Variants in ADAMTS3 observed in about 807,000 individuals in gnomAD.
ADAMTS3 encodes ADAM metallopeptidase with thrombospondin type 1 motif 3.
A neutral mutation model predicts 129.0 loss-of-function variants in ADAMTS3; 73 were observed. That is an observed-to-expected ratio of 0.57 (90% confidence interval 0.47 to 0.69). The LOEUF (loss-of-function observed/expected upper bound fraction) is 0.69. ADAMTS3 is among the 30% of genes least tolerant of loss of function. The pLI is 0.00. For synonymous variants in ADAMTS3, 477 were observed against 510.8 expected (o/e 0.93, Z 0.89); for missense variants, 1,457 against 1,514.5 (o/e 0.96, Z 0.63).
chr4:72,442,898 T>C (rs552670437), intron 3 of ADAMTS3, among the ~76,000 whole-genome samples: 1 of 151,800 alleles, frequency 6.6e-6, no homozygotes, highest in South Asian at 2.1e-4. Flanking sequence ...AGTTCAAAAC[T>C]TTGACTCACC....
rs561531485 is a variant in ADAMTS3, at chr4:72,412,743, A to G, written c.661+2072T>C. 2.0e-5 allele frequency among the ~76,000 whole-genome samples: 3 copies of G among 152,174 alleles called. No homozygotes were observed. In the South Asian group the frequency reaches 6.2e-4, roughly 32 times the overall value. On this transcript the variant is annotated intron_variant, in intron 4 of 21. Transcript: ENST00000286657. ...CAAGTTTTAAGGTAATTGAGAGGTG[A>G]CAAAAGAACTCCTTTTGCTCTGACC...
At chr4:72,322,900 G>A in intron 6 of ADAMTS3, 114 bp downstream of exon 6, 2 of 744,326 alleles carry the variant, frequency 2.7e-6, no homozygotes, top group Non-Finnish European at 4.4e-6. Flanking sequence ...CAAGCAACTA[G>A]GGGTTTATAT....
intron 3 of ADAMTS3, among the ~76,000 whole-genome samples, chr4:72,430,327 T>A (rs756879640): frequency 9.9e-5 from 15 of 151,964 alleles, no homozygotes; most frequent in Non-Finnish European, 1.8e-4. Flanking sequence ...TCTCATGGAA[T>A]ACTCTCCTCA....
At chr4:72,305,730 T>C (rs1719067143) in intron 16 of ADAMTS3, among the ~76,000 whole-genome samples, 1 of 151,960 alleles carries the variant, frequency 6.6e-6, no homozygotes, top group Non-Finnish European at 1.5e-5. Flanking sequence ...CATATACGTA[T>C]GCACATGTAT....
rs1477767485 is a variant in ADAMTS3 at position 72,282,776 on chromosome 4, T to C, written c.*360A>G. ...TTCTTGTTAAAGTGTAAACCATTGG[T>C]ATCTCTTTTTAATTTTTACTGTAAC... On this transcript the variant is annotated 3_prime_UTR_variant, in exon 22 of 22. Transcript: ENST00000286657. The C allele has an allele frequency of 6.1e-6, 1 of 162,886 alleles. No individual in the cohort carries two copies. Among genetic ancestry groups the C allele is most frequent in the Admixed American group, 6.2e-5 (1 of 16,028 alleles). 10.1% of individuals were successfully genotyped at this position (162,886 alleles called of 1,614,324 possible). A position where few individuals can be genotyped will look rare whatever the true frequency, so the allele number is the denominator to read the frequency against.
At chr4:72,554,545 T>TTAATGTCTTAAATGTAAA (rs1560565809) in intron 2 of ADAMTS3, among the ~76,000 whole-genome samples, 1 of 152,096 alleles carries the variant, frequency 6.6e-6, no homozygotes, top group African/African-American at 2.4e-5. Flanking sequence ...CTGACTTCGC[T>TTAATGTCTTAAATGTAAA]ATTTCTGTTC....
chr4:72,344,269 T>A (rs556823007), intron 4 of ADAMTS3, among the ~76,000 whole-genome samples: 5 of 152,302 alleles, frequency 3.3e-5, no homozygotes, highest in African/African-American at 1.2e-4. Context: ...GACATGTTCA[T>A]ATGCTTAATC....
At chr4:72,370,286 G>A (rs139954328) in intron 4 of ADAMTS3, among the ~76,000 whole-genome samples, 68 of 152,234 alleles carry the variant, frequency 4.5e-4, no homozygotes, top group African/African-American at 1.6e-3. Flanking sequence ...GCCTGGTGGT[G>A]AATCCTCCAT....
rs574453345 is a variant in ADAMTS3, at chr4:72,517,664, T to C, written c.504+30814A>G. Among the ~76,000 whole-genome samples, 8 of 152,338 alleles carry C rather than the reference T, an allele frequency of 5.3e-5. No individual in the cohort carries two copies. The East Asian group carries it at 1.5e-3, about 29-fold the overall frequency. Reference sequence around the variant, plus strand: ...ATTCTCTGATGTTAGTTTGTATTTCTGTGGGATCGGTGGTGATATCCCCTT... The same window carrying C: ...ATTCTCTGATGTTAGTTTGTATTTCCGTGGGATCGGTGGTGATATCCCCTT... On this transcript the variant is annotated intron_variant, in intron 3 of 21. Coordinates refer to ENST00000286657, the MANE Select transcript of ADAMTS3 (RefSeq NM_014243.3).
intron 19 of ADAMTS3, among the ~76,000 whole-genome samples, chr4:72,293,593 T>C (rs558874234): frequency 6.4e-4 from 98 of 152,216 alleles, no homozygotes; most frequent in African/African-American, 2.3e-3. Flanking sequence ...ACACTAAATA[T>C]ACAATTAATT....
chr4:72,315,256 C>A (rs1230262960), intron 11 of ADAMTS3, among the ~76,000 whole-genome samples: 3 of 152,168 alleles, frequency 2.0e-5, no homozygotes, highest in Non-Finnish European at 4.4e-5. Flanking sequence ...CCAAAGATAT[C>A]AAGTCTTAAT....
intron 5 of ADAMTS3, among the ~76,000 whole-genome samples, chr4:72,329,517 C>G (rs953949900): frequency 7.2e-5 from 11 of 152,146 alleles, no homozygotes; most frequent in Non-Finnish European, 1.6e-4. Flanking sequence ...GTGTTTTCCT[C>G]AAATGATTAG....
chr4:72,421,373 T>C (rs1034890835), intron 3 of ADAMTS3, among the ~76,000 whole-genome samples: 6 of 152,234 alleles, frequency 3.9e-5, no homozygotes, highest in African/African-American at 1.4e-4. Context: ...TTCACTGCTA[T>C]GTCATATCCC....
chr4:72,345,906 C>T (rs1320060358), intron 4 of ADAMTS3, among the ~76,000 whole-genome samples: 4 of 152,046 alleles, frequency 2.6e-5, no homozygotes, highest in Non-Finnish European at 5.9e-5. Context: ...TCTATGTCAG[C>T]GAGAATGTTT....
At position 72,295,774 on chromosome 4, in the gene ADAMTS3, G is replaced by C; in HGVS notation, c.2603C>G (p.Thr868Ser). The stretch of plus-strand genomic sequence containing the variant: ...ACTTTTCCTACGGCATCCATATTTA[G>C]TGTACTGGAAACCTGGAAAAGGAAA... ...SKPCGGGFQY[T>S]KYGCRRKSDN... is the part of the protein sequence containing the mutation. Residue 868 changes from threonine to serine, a missense_variant, in exon 19 of 22, where the codon ACT (threonine) becomes AGT (serine). Coordinates refer to ENST00000286657, the MANE Select transcript of ADAMTS3 (RefSeq NM_014243.3). 1 of 1,612,018 alleles carries C rather than the reference G, an allele frequency of 6.2e-7. No individual in the cohort carries two copies. Among genetic ancestry groups the C allele is most frequent in the Non-Finnish European group, 8.5e-7 (1 of 1,178,798 alleles).
intron 4 of ADAMTS3, among the ~76,000 whole-genome samples, chr4:72,377,398 C>T (rs1167458113): frequency 1.3e-5 from 2 of 151,922 alleles, no homozygotes; most frequent in African/African-American, 2.4e-5. Flanking sequence ...TAGGGGAAAA[C>T]GGAGAAAGGA....
At chr4:72,325,505 G>A (rs1267553548) in intron 5 of ADAMTS3, among the ~76,000 whole-genome samples, 1 of 152,146 alleles carries the variant, frequency 6.6e-6, no homozygotes, top group Non-Finnish European at 1.5e-5. Flanking sequence ...TAAGGCAGCT[G>A]TTTCAAATTA....
rs753209389 is a variant in ADAMTS3 at position 72,302,171 on chromosome 4, C to T, written c.2424+1746G>A. The stretch of plus-strand genomic sequence containing the variant: ...CCTTACAATTTATCTTCCAAAATGT[C>T]GAGTGTACAAGAAAAAAAGAAGCAG... On this transcript the variant is annotated intron_variant, in intron 17 of 21. Transcript: ENST00000286657. Among the ~76,000 whole-genome samples the T allele has an allele frequency of 4.0e-5, 6 of 151,274 alleles. No homozygotes were observed. The South Asian group carries it at 6.3e-4, about 16-fold the overall frequency.
At chr4:72,515,938 T>C (rs1720460241) in intron 3 of ADAMTS3, among the ~76,000 whole-genome samples, 1 of 152,230 alleles carries the variant, frequency 6.6e-6, no homozygotes, top group South Asian at 2.1e-4. Context: ...TGGTACTGCC[T>C]AGGTTTTCTT....
Sources: allele counts gnomAD v4.1 joint callset (sites outside exome capture counted in the v4.1 genomes callset), GRCh38; gene constraint gnomAD v4.1.1; transcripts MANE v1.5; gene names NCBI Gene and HGNC (gene_info 2026-07-23, HGNC 2026-07-21).